The following RARB variants were observed in gnomAD, a reference collection of about 807,000 sequenced individuals.
RARB encodes the protein retinoic acid receptor beta.
In RARB, 17 loss-of-function variants were observed where a neutral mutation model predicts 51.9. That is an observed-to-expected ratio of 0.33 (90% confidence interval 0.22 to 0.49). RARB has a LOEUF of 0.49. Ranked by LOEUF, RARB falls within the 20% of genes least tolerant of loss-of-function variation. RARB has a pLI of 0.99. For synonymous variants in RARB, 215 were observed against 195.4 expected (o/e 1.10, Z -0.84); for missense variants, 369 against 550.8 (o/e 0.67, Z 3.30).
chr3:25,204,438 C>G (rs1402655194), intron 5 of RARB, among the ~76,000 whole-genome samples: 4 of 152,226 alleles, frequency 2.6e-5, no homozygotes, highest in African/African-American at 9.6e-5. Context: ...CAAAGTTATT[C>G]TCCGTCCACC....
intron 2 of RARB, among the ~76,000 whole-genome samples, chr3:25,017,963 C>T (rs1298853490): frequency 1.3e-5 from 2 of 152,188 alleles, no homozygotes; most frequent in Non-Finnish European, 2.9e-5. Context: ...ATGGAAAAGG[C>T]TGTCTATGAG....
intron 5 of RARB, among the ~76,000 whole-genome samples, chr3:25,215,642 G>A (rs1701817146): frequency 6.6e-6 from 1 of 152,128 alleles, no homozygotes; most frequent in Non-Finnish European, 1.5e-5. Context: ...AGGGTATTAA[G>A]GGGATCCTTT....
At chr3:25,195,511 A>T (rs1701212348) in intron 5 of RARB, among the ~76,000 whole-genome samples, 2 of 152,032 alleles carry the variant, frequency 1.3e-5, no homozygotes, top group South Asian at 4.1e-4. Flanking sequence ...TTCTGAATTT[A>T]TTCCAGGTGA....
chr3:24,946,766 G>A (rs982761202), intron 2 of RARB, among the ~76,000 whole-genome samples: 5 of 152,092 alleles, frequency 3.3e-5, no homozygotes, highest in African/African-American at 1.2e-4. Context: ...CCAAGAAACT[G>A]AGGTGGGAAG....
chr3:25,004,111 A>G (rs528908778), intron 2 of RARB, among the ~76,000 whole-genome samples: 3 of 152,100 alleles, frequency 2.0e-5, no homozygotes, highest in Admixed American at 2.0e-4. Context: ...TCTCTACCCT[A>G]TTGTGCCACC....
At chr3:25,430,168 T>C (rs1235421774) in intron 1 of RARB, among the ~76,000 whole-genome samples, 1 of 152,248 alleles carries the variant, frequency 6.6e-6, no homozygotes, top group East Asian at 1.9e-4. Flanking sequence ...TGACTTAACA[T>C]TTTGTAGAGC....
At chr3:24,947,605 G>A (rs534080735) in intron 2 of RARB, among the ~76,000 whole-genome samples, 2 of 152,336 alleles carry the variant, frequency 1.3e-5, no homozygotes, top group African/African-American at 2.4e-5. Context: ...AGGCTCGCAA[G>A]TACAGATGAC....
chr3:25,183,020 C>A (rs994996670), intron 5 of RARB, among the ~76,000 whole-genome samples: 4 of 152,104 alleles, frequency 2.6e-5, no homozygotes, highest in African/African-American at 9.7e-5. Context: ...GGCAACCCTG[C>A]CAGCACCTTG....
At chr3:25,390,381 A>G (rs992019570) in intron 5 of RARB, among the ~76,000 whole-genome samples, 9 of 152,144 alleles carry the variant, frequency 5.9e-5, no homozygotes, top group Admixed American at 2.6e-4. Flanking sequence ...CTCACCGGAC[A>G]CTGGATCTGC....
In RARB at chr3:25,458,682, A is replaced by G. The variant is rs184253135; in HGVS notation, c.158-2511A>G. On this transcript the variant is annotated intron_variant, in intron 1 of 7. Coordinates refer to ENST00000330688, the MANE Select transcript of RARB (RefSeq NM_000965.5). ...CAAGATTGATATCTTCATCCCAGAT[A>G]CCTTGGTTCTAACCAGTAAAGACTA... 7.7e-4 allele frequency among the ~76,000 whole-genome samples: 117 copies of G among 152,292 alleles called. 1 individual carries two copies. The highest frequency in any genetic ancestry group is 1.7e-3 in the South Asian group (8 of 4,826).
At chr3:24,854,408 C>T (rs1246663576) in intron 1 of RARB, among the ~76,000 whole-genome samples, 1 of 152,190 alleles carries the variant, frequency 6.6e-6, no homozygotes, top group East Asian at 1.9e-4. Flanking sequence ...TACTGTACCA[C>T]ATTCTATTGC....
At chr3:25,058,418 A>G (rs1698483420) in intron 2 of RARB, among the ~76,000 whole-genome samples, 3 of 151,856 alleles carry the variant, frequency 2.0e-5, no homozygotes, top group Admixed American at 1.3e-4. Flanking sequence ...TTAAAATTGT[A>G]TAAAACTTAC....
At chr3:24,949,580 T>C (rs1695846409) in intron 2 of RARB, among the ~76,000 whole-genome samples, 1 of 152,236 alleles carries the variant, frequency 6.6e-6, no homozygotes. Flanking sequence ...TATTAAATTT[T>C]GAGGCGAGAA....
chr3:24,902,499 T>A (rs914589212), intron 2 of RARB, among the ~76,000 whole-genome samples: 1 of 152,140 alleles, frequency 6.6e-6, no homozygotes, highest in South Asian at 2.1e-4. Flanking sequence ...GGTTTAGACA[T>A]GTTCTGTTGG....
At chr3:24,892,342 C>T (rs1703400245) in intron 2 of RARB, among the ~76,000 whole-genome samples, 1 of 151,902 alleles carries the variant, frequency 6.6e-6, no homozygotes, top group Non-Finnish European at 1.5e-5. Flanking sequence ...ACATTATAAT[C>T]CAAGGAAGCT....
At chr3:25,029,520 A>G (rs1697825643) in intron 2 of RARB, among the ~76,000 whole-genome samples, 1 of 152,224 alleles carries the variant, frequency 6.6e-6, no homozygotes, top group African/African-American at 2.4e-5. Flanking sequence ...TTATGAATAA[A>G]TGGTCCACAG....
chr3:24,867,337 C>T (rs1037745239), intron 2 of RARB, among the ~76,000 whole-genome samples: 3 of 152,100 alleles, frequency 2.0e-5, no homozygotes, highest in African/African-American at 7.2e-5. Flanking sequence ...AGTTTGAAGG[C>T]TAAATGCAAG....
intron 2 of RARB, among the ~76,000 whole-genome samples, chr3:25,489,403 T>A (rs111828430): frequency 4.5e-4 from 69 of 152,358 alleles, no homozygotes; most frequent in African/African-American, 1.3e-3. Flanking sequence ...CTTCTTCCTT[T>A]CCTTGCATAT....
At chr3:25,388,307 A>G (rs1447033605) in intron 5 of RARB, among the ~76,000 whole-genome samples, 2 of 152,200 alleles carry the variant, frequency 1.3e-5, no homozygotes, top group Non-Finnish European at 1.5e-5. Flanking sequence ...TTAATTTCTA[A>G]AGATTTATTA....
Sources: allele counts gnomAD v4.1 joint callset (sites outside exome capture counted in the v4.1 genomes callset), GRCh38; gene constraint gnomAD v4.1.1; transcripts MANE v1.5; gene names NCBI Gene and HGNC (gene_info 2026-07-23, HGNC 2026-07-21).